DHX36: variants seen among roughly 807,000 people sequenced by gnomAD.
The protein encoded by DHX36 is DEAH-box helicase 36, also known as ATP-dependent DNA/RNA helicase DHX36.
Under a neutral mutation model 139.0 loss-of-function variants are expected in DHX36, and 50 were observed. The observed-to-expected ratio is 0.36, with a 90% CI of 0.29 to 0.46. DHX36 has a LOEUF of 0.46. Ranked by LOEUF, DHX36 falls within the 20% of genes least tolerant of loss-of-function variation. DHX36 has a pLI of 1.00. For synonymous variants in DHX36, 425 were observed against 401.9 expected, an observed-to-expected ratio of 1.06 and a Z score of -0.69; for missense variants, 1,024 against 1,211.3, an observed-to-expected ratio of 0.85 and a Z score of 2.29.
chr3:154,315,311 G>T (rs1712935239), intron 2 of DHX36, 31 bp from the exon 3 acceptor site: 5 of 1,521,922 alleles, frequency 3.3e-6, no homozygotes, highest in Admixed American at 1.8e-5. Flanking sequence ...AGGAAGAAAG[G>T]TCAGATGAGC....
Position 154,275,386 on chromosome 3 carries a change from A to G in DHX36, c.*785T>C, listed in dbSNP as rs959910827. 6 of 152,120 alleles carry G rather than the reference A, an allele frequency of 3.9e-5. No homozygotes were observed. The highest frequency in any genetic ancestry group is 2.6e-4 in the Admixed American group (4 of 15,264). 9.4% of individuals were successfully genotyped at this position (152,120 alleles called of 1,614,324 possible). On this transcript the variant is annotated 3_prime_UTR_variant, in exon 25 of 25. Transcript: ENST00000496811. ...ACACAACCATCCTTTTTTTCCCCAA[A>G]TATCTTCTATCCACAGTTGTTTGAA...
At position 154,288,950 on chromosome 3, in the gene DHX36, A is replaced by AGTG. The variant is rs768031681; in HGVS notation, c.1946_1947insCAC (p.Gly649_Gly650insThr). The AGTG allele has an allele frequency of 1.9e-6, 3 of 1,563,310 alleles. No homozygotes were observed. In the African/African-American group the frequency reaches 4.1e-5, roughly 21 times the overall value. On this transcript the variant is annotated inframe_insertion, in exon 17 of 25. Transcript: ENST00000496811. ...ATCTACTCAGAAAATAAGCAATTCC[A>AGTG]CCTAGCCTTAAAATCTAAGTGGGGG...
chr3:154,290,201 T>C (rs1711733521), intron 15 of DHX36, among the ~76,000 whole-genome samples: 1 of 152,234 alleles, frequency 6.6e-6, no homozygotes. Context: ...TAATGAATCC[T>C]GGCATTATGC....
At chr3:154,324,083 C>T in intron 1 of DHX36, 91 bp downstream of exon 1, 1 of 1,401,028 alleles carries the variant, frequency 7.1e-7, no homozygotes, top group Non-Finnish European at 9.8e-7. Context: ...ACGTGCATCA[C>T]TTAAGAAACA....
chr3:154,314,870 G>T, intron 3 of DHX36, 176 bp downstream of exon 3: 1 of 568,394 alleles, frequency 1.8e-6, no homozygotes, highest in South Asian at 2.2e-5. Flanking sequence ...TGTAGGTTAT[G>T]TGTAACTTCC....
chr3:154,304,530 A>G (rs772132887), intron 8 of DHX36, among the ~76,000 whole-genome samples: 2 of 152,220 alleles, frequency 1.3e-5, no homozygotes, highest in Admixed American at 1.3e-4. Flanking sequence ...AAAGAAGTTT[A>G]TAAAATTATG....
intron 8 of DHX36, 152 bp downstream of exon 8, chr3:154,304,654 G>T: frequency 1.7e-6 from 1 of 584,260 alleles, no homozygotes; most frequent in Middle Eastern, 4.9e-4. Context: ...AGACCCAATT[G>T]TCTAATCCAT....
intron 8 of DHX36, among the ~76,000 whole-genome samples, chr3:154,304,185 T>C (rs773709339): frequency 4.6e-5 from 7 of 152,214 alleles, no homozygotes; most frequent in African/African-American, 4.8e-5. Context: ...TAAACATAAA[T>C]ATATTACATT....
intron 19 of DHX36, 62 bp downstream of exon 19, chr3:154,284,521 C>A: frequency 7.3e-7 from 1 of 1,370,422 alleles, no homozygotes. Context: ...GATCCTTATT[C>A]TATTATTAGC....
Position 154,280,499 on chromosome 3 carries a change from T to C in DHX36, c.2567+80A>G. The C allele has an allele frequency of 1.3e-5, 13 of 1,007,594 alleles. No homozygotes were observed. The South Asian group carries it at 1.7e-4, about 13-fold the overall frequency. 62.4% of individuals were successfully genotyped at this position (1,007,594 alleles called of 1,614,324 possible). On this transcript the variant is annotated intron_variant, in intron 22 of 24. Transcript: ENST00000496811. ...CATATGAATAAGAACAAATTTATAATATAAGCCTTGTTACATGAGCAGATT... is the reference window on the plus strand; with the variant it reads ...CATATGAATAAGAACAAATTTATAACATAAGCCTTGTTACATGAGCAGATT...
chr3:154,274,412 A>C lies in DHX36; in HGVS notation c.*1759T>G, dbSNP rs554431741. ...ATTGAAGGGTTTTTATTATATCAACATAAGTCCACATGTAAAGCAGCTCTA... is the reference window on the plus strand; with the variant it reads ...ATTGAAGGGTTTTTATTATATCAACCTAAGTCCACATGTAAAGCAGCTCTA... On this transcript the variant is annotated 3_prime_UTR_variant, in exon 25 of 25. Transcript: ENST00000496811. 1 of 158,726 alleles carries C rather than the reference A, an allele frequency of 6.3e-6. No individual in the cohort carries two copies. Among genetic ancestry groups the C allele is most frequent in the East Asian group, 1.8e-4 (1 of 5,426 alleles). 9.8% of individuals were successfully genotyped at this position (158,726 alleles called of 1,614,324 possible).
At position 154,312,889 on chromosome 3, in the gene DHX36, ATATATATATAT is replaced by A. The variant is rs1559958789; in HGVS notation, c.604-1226_604-1216del. ...TATATATATATATATATATATATATATATATATATATAAAATAAATAAAGAACTGTCTTTGG... is the reference window on the plus strand; with the variant it reads ...TATATATATATATATATATATATATAAAAATAAATAAAGAACTGTCTTTGG... On this transcript the variant is annotated intron_variant, in intron 3 of 24. Transcript: ENST00000496811. Among the ~76,000 whole-genome samples the A allele has an allele frequency of 8.9e-4, 98 of 109,806 alleles. 2 individuals carry two copies. In the South Asian group the frequency reaches 0.012, roughly 14 times the overall value. The allele number at this position is 109,806 out of a possible 152,430, so 72.0% of individuals were successfully genotyped here. A position where few individuals can be genotyped will look rare whatever the true frequency, so the allele number is the denominator to read the frequency against.
Position 154,273,300 on chromosome 3 carries a change from A to C in DHX36, c.*2871T>G, listed in dbSNP as rs565082425. The C allele has an allele frequency of 6.6e-6, 1 of 152,306 alleles. No individual in the cohort carries two copies. Among genetic ancestry groups the C allele is most frequent in the East Asian group, 1.9e-4 (1 of 5,184 alleles). 9.4% of individuals were successfully genotyped at this position (152,306 alleles called of 1,614,324 possible). On this transcript the variant is annotated 3_prime_UTR_variant, in exon 25 of 25. Transcript: ENST00000496811. ...CAACCTAATCAGCTGTGCAGAAGAC[A>C]TAAATTGGAGGTAACAATAACTGCT...
chr3:154,276,428 AT>A (rs1307504492), intron 24 of DHX36, 72 bp from the exon 25 acceptor site: 1 of 1,370,192 alleles, frequency 7.3e-7, no homozygotes, highest in African/African-American at 1.5e-5. Flanking sequence ...AATGAAACTA[AT>A]TTACCTGATA....
chr3:154,304,721 A>C (rs1232324555), intron 8 of DHX36, 85 bp downstream of exon 8: 1 of 974,796 alleles, frequency 1.0e-6, no homozygotes, highest in East Asian at 2.8e-5. Context: ...ATTCATTTTG[A>C]CTACTCTTTA....
At chr3:154,319,128 C>T (rs930839555) in intron 1 of DHX36, 1 of 152,126 alleles carries the variant, frequency 6.6e-6, no homozygotes, top group Admixed American at 6.6e-5. Context: ...GCCTCTCTCC[C>T]CCTCAACAAC....
At chr3:154,305,072 T>C in intron 7 of DHX36, 22 bp downstream of exon 7, 1 of 1,607,446 alleles carries the variant, frequency 6.2e-7, no homozygotes, top group Non-Finnish European at 8.5e-7. Flanking sequence ...CACTTATATT[T>C]CCTTAATTGA....
chr3:154,309,312 TTAAA>T (rs1712643305), intron 5 of DHX36, among the ~76,000 whole-genome samples: 1 of 151,576 alleles, frequency 6.6e-6, no homozygotes, highest in Non-Finnish European at 1.5e-5. Context: ...AAAAAAAAAG[TTAAA>T]TAAACCAAGT....
At position 154,295,298 on chromosome 3, in the gene DHX36, CTG is replaced by C. The variant is rs1470374654; in HGVS notation, c.1589_1590del (p.Thr530SerfsTer2). 1 of 1,544,704 alleles carries C rather than the reference CTG, an allele frequency of 6.5e-7. No individual in the cohort carries two copies. On this transcript the variant is annotated frameshift_variant, in exon 13 of 25. Transcript: ENST00000496811. LOFTEE classifies it high-confidence loss of function. Reference sequence around the variant, plus strand: ...ATTTAACATACCTGTGTCTGGTTAACTGTAGGCATCAGTGAATGTAAAGGTAT... The same window carrying C: ...ATTTAACATACCTGTGTCTGGTTAACTAGGCATCAGTGAATGTAAAGGTAT... ...LIIPLHSLMP[T>X]VNQTQVFKRT...
Sources: allele counts gnomAD v4.1 joint callset (sites outside exome capture counted in the v4.1 genomes callset), GRCh38; gene constraint gnomAD v4.1.1; transcripts MANE v1.5; gene names NCBI Gene and HGNC (gene_info 2026-07-23, HGNC 2026-07-21).